Variants in NRG1 observed in about 807,000 individuals in gnomAD.
NRG1 encodes neuregulin 1.
NRG1 carries 18 observed loss-of-function variants against 63.8 expected under a neutral mutation model. The ratio of observed to expected loss-of-function variants is 0.28; its 90% CI spans 0.19 to 0.42. The LOEUF is 0.42. NRG1 is among the 10% of genes least tolerant of loss of function. The pLI is 1.00. For synonymous variants in NRG1, 302 were observed against 301.3 expected, an observed-to-expected ratio of 1.00 and a Z score of -0.02; for missense variants, 762 against 814.7, an observed-to-expected ratio of 0.94 and a Z score of 0.79.
intron 1 of NRG1, among the ~76,000 whole-genome samples, chr8:31,987,681 C>A (rs984026218): frequency 6.6e-6 from 1 of 151,924 alleles, no homozygotes; most frequent in Non-Finnish European, 1.5e-5. Flanking sequence ...TTTGTATAAC[C>A]AAACCCCAGC....
intron 1 of NRG1, among the ~76,000 whole-genome samples, chr8:32,044,919 A>AAAAAAAC (rs1213526448): frequency 2.0e-5 from 3 of 147,574 alleles, no homozygotes; most frequent in Non-Finnish European, 4.5e-5. Flanking sequence ...AAAGCAAAAA[A>AAAAAAAC]AAAAAAAAAA....
intron 1 of NRG1, among the ~76,000 whole-genome samples, chr8:32,171,894 T>G (rs1400215882): frequency 6.6e-6 from 1 of 152,210 alleles, no homozygotes. Flanking sequence ...GAGGCCTGTC[T>G]GCCTCTGTAG....
At position 31,740,793 on chromosome 8, in the gene NRG1, T is replaced by C. The variant is rs186899367; in HGVS notation, c.37+101362T>C. On this transcript the variant is annotated intron_variant, in intron 1 of 10. Transcript: ENST00000519301. ...GTGGTAAGCAATTGATCTGGCAAAA[T>C]CTTGAAAGTTAAGACAAGAACTCTG... Among the ~76,000 whole-genome samples the C allele has an allele frequency of 2.5e-3, 382 of 152,010 alleles. 3 individuals are homozygous for C. Among genetic ancestry groups the C allele is most frequent in the Admixed American group, 4.4e-3 (67 of 15,216 alleles).
At chr8:32,129,720 A>T (rs1171786131) in intron 1 of NRG1, among the ~76,000 whole-genome samples, 3 of 151,958 alleles carry the variant, frequency 2.0e-5, no homozygotes, top group Non-Finnish European at 4.4e-5. Flanking sequence ...CCAGATCACG[A>T]TAAAAAGCTG....
intron 1 of NRG1, among the ~76,000 whole-genome samples, chr8:31,648,524 G>T (rs999460748): frequency 6.6e-5 from 10 of 152,092 alleles, no homozygotes; most frequent in African/African-American, 2.2e-4. Flanking sequence ...TCTTGACCTT[G>T]TAAAACCAAG....
chr8:31,828,131 G>A lies in NRG1; in HGVS notation c.37+188700G>A, dbSNP rs1165228498. The stretch of plus-strand genomic sequence containing the variant: ...GTTTGTATGAGTTCACAGATATTTT[G>A]AAAGACTCATGCAGGTATTTTTGAT... On this transcript the variant is annotated intron_variant, in intron 1 of 10. Transcript: ENST00000519301. Among the ~76,000 whole-genome samples the A allele has an allele frequency of 5.3e-5, 8 of 152,214 alleles. 1 individual carries two copies. Among genetic ancestry groups the A allele is most frequent in the Non-Finnish European group, 1.2e-4 (8 of 68,034 alleles).
intron 1 of NRG1, among the ~76,000 whole-genome samples, chr8:31,883,158 G>T (rs2129612955): frequency 6.6e-6 from 1 of 152,152 alleles, no homozygotes; most frequent in Middle Eastern, 3.4e-3. Flanking sequence ...TCAGACTTCA[G>T]CAACCACCAT....
At chr8:31,672,195 A>G (rs1271367703) in intron 1 of NRG1, among the ~76,000 whole-genome samples, 2 of 152,126 alleles carry the variant, frequency 1.3e-5, no homozygotes, top group Middle Eastern at 3.4e-3. Context: ...AATGTTTCCT[A>G]CCTCAGCAAG....
chr8:31,681,880 G>A (rs1417744914), intron 1 of NRG1, among the ~76,000 whole-genome samples: 3 of 151,922 alleles, frequency 2.0e-5, no homozygotes, highest in Admixed American at 6.6e-5. Flanking sequence ...CCACAAAAGG[G>A]CAACCTTTTC....
chr8:32,503,428 A>G (rs13280857), intron 1 of NRG1, among the ~76,000 whole-genome samples: 8,007 of 152,124 alleles, frequency 0.053, 284 homozygotes, highest in Middle Eastern at 0.085. Context: ...GTATAACTTT[A>G]AGATTTCAAG....
chr8:31,824,510 C>T (rs183994916), intron 1 of NRG1, among the ~76,000 whole-genome samples: 70 of 152,272 alleles, frequency 4.6e-4, no homozygotes, highest in African/African-American at 1.5e-3. Context: ...TACATTCATA[C>T]GCATTGCTGA....
At chr8:31,898,034 A>AG (rs968868832) in intron 1 of NRG1, among the ~76,000 whole-genome samples, 13 of 150,642 alleles carry the variant, frequency 8.6e-5, no homozygotes, top group East Asian at 1.9e-4. Flanking sequence ...AAAAAAAAAA[A>AG]AGAGAGAGAA....
intron 1 of NRG1, among the ~76,000 whole-genome samples, chr8:31,817,558 ATCTT>A (rs1823575555): frequency 6.6e-6 from 1 of 152,164 alleles, no homozygotes; most frequent in Non-Finnish European, 1.5e-5. Flanking sequence ...AAATTAGAAA[ATCTT>A]TATATTTGCA....
At chr8:32,176,664 G>A (rs905203437) in intron 1 of NRG1, among the ~76,000 whole-genome samples, 43 of 152,228 alleles carry the variant, frequency 2.8e-4, no homozygotes, top group African/African-American at 1.0e-3. Flanking sequence ...AAAAGTGGGT[G>A]AAGGATATGA....
intron 1 of NRG1, among the ~76,000 whole-genome samples, chr8:32,354,703 T>C (rs1714422): frequency 0.86 from 128,911 of 150,200 alleles, 55,595 homozygotes; most frequent in Middle Eastern, 0.93. Context: ...TAGCAAGATC[T>C]TGTCTCTAGT....
At chr8:32,265,295 A>G (rs1469309205) in intron 1 of NRG1, among the ~76,000 whole-genome samples, 1 of 152,016 alleles carries the variant, frequency 6.6e-6, no homozygotes, top group African/African-American at 2.4e-5. Flanking sequence ...AGATTGTACC[A>G]CTGCACTCCA....
chr8:31,763,533 G>A (rs1410561536), intron 1 of NRG1, among the ~76,000 whole-genome samples: 1 of 152,080 alleles, frequency 6.6e-6, no homozygotes, highest in Non-Finnish European at 1.5e-5. Context: ...AAAAATACAG[G>A]GAAAAATGTT....
At chr8:32,749,671 G>A (rs1828293449) in intron 7 of NRG1, 4 of 1,274,726 alleles carry the variant, frequency 3.1e-6, no homozygotes, top group Non-Finnish European at 4.4e-6. Flanking sequence ...TTACCTTTCA[G>A]TTCCTAACTA....
chr8:32,086,526 A>C (rs2131214264), intron 1 of NRG1, among the ~76,000 whole-genome samples: 1 of 152,360 alleles, frequency 6.6e-6, no homozygotes, highest in East Asian at 1.9e-4. Context: ...CTGTCAGTCC[A>C]ATATAAACTT....
Sources: gnomAD v4.1 joint callset for allele counts (sites outside exome capture counted in the v4.1 genomes callset) on GRCh38, gnomAD v4.1.1 for gene constraint, MANE v1.5 for transcripts, NCBI Gene and HGNC (gene_info 2026-07-23, HGNC 2026-07-21) for gene names.